RPRD1B: variants seen among roughly 807,000 people sequenced by gnomAD.
RPRD1B encodes the protein regulation of nuclear pre-mRNA domain-containing protein 1B.
RPRD1B carries 11 observed loss-of-function variants against 41.5 expected under a neutral mutation model. That is an observed-to-expected ratio of 0.27 (90% CI 0.17 to 0.44). The LOEUF is 0.44. Among genes scored for constraint, RPRD1B ranks in the 20% least tolerant of loss-of-function variants. The pLI, the probability that RPRD1B is intolerant of heterozygous loss-of-function variation, is 1.00. For synonymous variants in RPRD1B, 158 were observed against 155.6 expected (o/e 1.02, Z -0.12); for missense variants, 248 against 389.9 (o/e 0.64, Z 3.06).
chr20:38,067,501 A>G (rs535419416), intron 6 of RPRD1B, among the ~76,000 whole-genome samples: 2 of 152,168 alleles, frequency 1.3e-5, no homozygotes. Flanking sequence ...ACATTGAGCT[A>G]TCTCTGAGGC....
chr20:38,056,562 G>A (rs968569269), intron 3 of RPRD1B, among the ~76,000 whole-genome samples: 3 of 152,136 alleles, frequency 2.0e-5, no homozygotes, highest in South Asian at 2.1e-4. Flanking sequence ...GCAGGTGCCT[G>A]GTGTCCCCTT....
At chr20:38,066,007 C>G (rs1224526403) in intron 5 of RPRD1B, 74 bp from the exon 6 acceptor site, 1 of 1,448,882 alleles carries the variant, frequency 6.9e-7, no homozygotes, top group Non-Finnish European at 9.5e-7. Context: ...CCGTTAACCT[C>G]CCCCAGAAAT....
intron 2 of RPRD1B, 48 bp downstream of exon 2, chr20:38,040,612 C>A (rs1272791764): frequency 6.4e-7 from 1 of 1,571,014 alleles, no homozygotes; most frequent in Admixed American, 1.9e-5. Context: ...TTGCCTTTCC[C>A]ACCTTTTTGT....
At chr20:38,070,591 C>A in intron 6 of RPRD1B, 2 of 985,340 alleles carry the variant, frequency 2.0e-6, no homozygotes, top group Non-Finnish European at 2.4e-6. Context: ...CCTGTCTTGT[C>A]AGCGTGAATA....
intron 3 of RPRD1B, among the ~76,000 whole-genome samples, chr20:38,050,629 G>A (rs968318287): frequency 6.6e-6 from 1 of 152,220 alleles, no homozygotes; most frequent in East Asian, 1.9e-4. Context: ...GATGCTATAG[G>A]AAAGAGGGAG....
At chr20:38,066,801 G>A (rs901670833) in intron 6 of RPRD1B, among the ~76,000 whole-genome samples, 1 of 152,008 alleles carries the variant, frequency 6.6e-6, no homozygotes, top group African/African-American at 2.4e-5. Flanking sequence ...AACTACAGGC[G>A]TCCACCACCA....
At chr20:38,072,092 T>A (rs951500775) in intron 6 of RPRD1B, among the ~76,000 whole-genome samples, 1 of 152,226 alleles carries the variant, frequency 6.6e-6, no homozygotes, top group South Asian at 2.1e-4. Flanking sequence ...CTGTTGCCAA[T>A]CCCAGGTCAT....
chr20:38,073,744 G>A (rs970931248), intron 6 of RPRD1B, among the ~76,000 whole-genome samples: 3 of 152,234 alleles, frequency 2.0e-5, no homozygotes, highest in Admixed American at 1.3e-4. Flanking sequence ...GGTAAGGACA[G>A]ATGGGAGCCG....
chr20:38,050,653 A>T (rs1363808756), intron 3 of RPRD1B, among the ~76,000 whole-genome samples: 1 of 152,224 alleles, frequency 6.6e-6, no homozygotes, highest in Non-Finnish European at 1.5e-5. Flanking sequence ...AGAGTGAGGA[A>T]TAGGTTTGCA....
intron 6 of RPRD1B, among the ~76,000 whole-genome samples, chr20:38,082,445 G>C (rs986193038): frequency 6.6e-6 from 1 of 152,116 alleles, no homozygotes. Flanking sequence ...GGAGTAGAGT[G>C]GCGCCATCTC....
At chr20:38,055,233 A>T (rs2074226911) in intron 3 of RPRD1B, among the ~76,000 whole-genome samples, 1 of 152,248 alleles carries the variant, frequency 6.6e-6, no homozygotes, top group Non-Finnish European at 1.5e-5. Context: ...AATTAGAAAC[A>T]TTGAGAATTA....
intron 6 of RPRD1B, among the ~76,000 whole-genome samples, chr20:38,069,603 A>T (rs1027883863): frequency 6.6e-6 from 1 of 152,182 alleles, no homozygotes; most frequent in Non-Finnish European, 1.5e-5. Flanking sequence ...TCATTCAGGG[A>T]GTCAGCAAAG....
chr20:38,091,657 T>G lies in RPRD1B; in HGVS notation c.*1782T>G. The G allele has an allele frequency of 8.1e-6, 8 of 985,648 alleles. No individual in the cohort carries two copies. The highest frequency in any genetic ancestry group is 9.6e-6 in the Non-Finnish European group (8 of 830,034). The allele number at this position is 985,648 out of a possible 1,614,324, so 61.1% of individuals were successfully genotyped here. A position where few individuals can be genotyped will look rare whatever the true frequency, so the allele number is the denominator to read the frequency against. On this transcript the variant is annotated 3_prime_UTR_variant, in exon 7 of 7. Coordinates refer to ENST00000373433, the MANE Select transcript of RPRD1B (RefSeq NM_021215.4). ...TCCCCCACCCCCCGTGGTGTGCTGC[T>G]TTCTAGATGAGCGTGTTTTGGAGCA...
intron 6 of RPRD1B, among the ~76,000 whole-genome samples, chr20:38,067,515 G>A (rs2074369507): frequency 6.6e-6 from 1 of 152,246 alleles, no homozygotes. Flanking sequence ...CTGAGGCTGA[G>A]ATCATTGTAT....
intron 6 of RPRD1B, among the ~76,000 whole-genome samples, chr20:38,069,968 T>C (rs1417490056): frequency 6.6e-6 from 1 of 152,238 alleles, no homozygotes; most frequent in Non-Finnish European, 1.5e-5. Context: ...ATACTTGTTC[T>C]GTGAAATCCA....
Position 38,092,303 on chromosome 20 carries a change from C to G in RPRD1B, c.*2428C>G. 1.0e-6 allele frequency: 1 copy of G among 984,922 alleles called. No individual in the cohort carries two copies. 61.0% of individuals were successfully genotyped at this position (984,922 alleles called of 1,614,324 possible). ...AAGTATAGGCTGTCGTTGGCGGCAG[C>G]AGTATATTCTGAAATGTCTCATAGA... On this transcript the variant is annotated 3_prime_UTR_variant, in exon 7 of 7. Coordinates refer to ENST00000373433, the MANE Select transcript of RPRD1B (RefSeq NM_021215.4).
chr20:38,033,993 C>T lies in RPRD1B; in HGVS notation c.46C>T (p.Leu16=), dbSNP rs747935647. The T allele has an allele frequency of 6.2e-7, 1 of 1,614,046 alleles. No homozygotes were observed. The highest frequency in any genetic ancestry group is 1.1e-5 in the South Asian group (1 of 91,076). ...GGCGCTGGAGAAGAAGCTCTCGGAGCTGAGCAACTCTCAGCAGAGCGTGCA... is the reference window on the plus strand; with the variant it reads ...GGCGCTGGAGAAGAAGCTCTCGGAGTTGAGCAACTCTCAGCAGAGCGTGCA... ...ESALEKKLSE[L]SNSQQSVQTL... The change falls in exon 1 of 7, where the codon CTG becomes TTG. Residue 16 remains leucine, a synonymous_variant. Coordinates refer to ENST00000373433, the MANE Select transcript of RPRD1B (RefSeq NM_021215.4).
chr20:38,072,072 A>G (rs1271974842), intron 6 of RPRD1B, among the ~76,000 whole-genome samples: 1 of 152,194 alleles, frequency 6.6e-6, no homozygotes, highest in Non-Finnish European at 1.5e-5. Context: ...TTGGTGTCAC[A>G]TGTAATAATC....
rs1360253626 is a variant in RPRD1B, at chr20:38,089,969, C to T, written c.*94C>T. 3.3e-6 allele frequency: 5 copies of T among 1,520,296 alleles called. No individual in the cohort carries two copies. The African/African-American group carries it at 5.6e-5, about 17-fold the overall frequency. 94.2% of individuals were successfully genotyped at this position (1,520,296 alleles called of 1,614,324 possible). On this transcript the variant is annotated 3_prime_UTR_variant, in exon 7 of 7. Transcript: ENST00000373433. ...AACCTTCTAGCCCCTGGTTCTATCC[C>T]TTCTTCCGCCCAGCCCCCCAGCCTC...
Sources: gnomAD v4.1 joint callset for allele counts (sites outside exome capture counted in the v4.1 genomes callset) on GRCh38, gnomAD v4.1.1 for gene constraint, MANE v1.5 for transcripts, NCBI Gene and HGNC (gene_info 2026-07-23, HGNC 2026-07-21) for gene names.